RBM38: variants seen among roughly 807,000 people sequenced by gnomAD.
RBM38 encodes the protein RNA binding motif protein 38.
In RBM38, 11 loss-of-function variants were observed where a neutral mutation model predicts 23.5. The ratio of observed to expected loss-of-function variants is 0.47; its 90% CI spans 0.29 to 0.77. The LOEUF is 0.77. Ranked by LOEUF, RBM38 falls within the 30% of genes least tolerant of loss-of-function variation. The pLI, the probability that RBM38 is intolerant of heterozygous loss-of-function variation, is 0.08. For synonymous variants in RBM38, 165 were observed against 166.1 expected, an observed-to-expected ratio of 0.99 and a Z score of 0.05; for missense variants, 330 against 351.9, an observed-to-expected ratio of 0.94 and a Z score of 0.50.
intron 3 of RBM38, among the ~76,000 whole-genome samples, chr20:57,394,797 C>A (rs1216648387): frequency 6.6e-6 from 1 of 152,204 alleles, no homozygotes; most frequent in Non-Finnish European, 1.5e-5. Flanking sequence ...CCACAGCAGG[C>A]GCCTGGGGGC....
rs983316714 is a variant in RBM38, at chr20:57,407,067, T to C, written c.417-476T>C. 4.0e-5 allele frequency among the ~76,000 whole-genome samples: 6 copies of C among 150,402 alleles called. No individual in the cohort carries two copies. The highest frequency in any genetic ancestry group is 5.9e-5 in the Non-Finnish European group (4 of 67,810). The stretch of plus-strand genomic sequence containing the variant: ...AGAGCAGGCGTGTACATGAGCCAAG[T>C]GTGCAGTGTCACTTGGTGGGTGTTG... On this transcript the variant is annotated intron_variant, in intron 3 of 3. Transcript: ENST00000356208. The surrounding 1 kb of genome is among the most constrained non-coding windows in gnomAD (Gnocchi z 4.0).
Position 57,402,648 on chromosome 20 carries a change from G to A in RBM38, c.417-4895G>A, listed in dbSNP as rs150647866. 6.7e-3 allele frequency among the ~76,000 whole-genome samples: 1,014 copies of A among 152,388 alleles called. 13 individuals carry two copies. Among genetic ancestry groups the A allele is most frequent in the African/African-American group, 0.018 (750 of 41,598 alleles). On this transcript the variant is annotated intron_variant, in intron 3 of 3. Coordinates refer to ENST00000356208, the MANE Select transcript of RBM38 (RefSeq NM_017495.6). ...TTTCTGAGCATGGCGTGTGAGTGGG[G>A]ATGCTGAGGAACCTGCCTGGTGCGT...
At chr20:57,397,589 C>T (rs887677446) in intron 3 of RBM38, among the ~76,000 whole-genome samples, 1 of 152,204 alleles carries the variant, frequency 6.6e-6, no homozygotes, top group East Asian at 1.9e-4. Flanking sequence ...GGTGTGTGCA[C>T]ACCACGGGGC....
intron 3 of RBM38, among the ~76,000 whole-genome samples, chr20:57,403,822 A>G (rs942681713): frequency 5.3e-5 from 8 of 152,172 alleles, no homozygotes; most frequent in African/African-American, 1.4e-4. Context: ...GGGCTTCGCC[A>G]TGTTGGCTAG....
At chr20:57,393,428 A>G (rs1264277619) in intron 3 of RBM38, 95 bp downstream of exon 3, 13 of 1,316,264 alleles carry the variant, frequency 9.9e-6, no homozygotes, top group Admixed American at 5.1e-5. Context: ...GGGAAATGAC[A>G]GTTTTCAGAC....
Position 57,407,181 on chromosome 20 carries a change from G to A in RBM38, c.417-362G>A, listed in dbSNP as rs1297599369. 6.6e-6 allele frequency among the ~76,000 whole-genome samples: 1 copy of A among 152,120 alleles called. No individual in the cohort carries two copies. Among genetic ancestry groups the A allele is most frequent in the Non-Finnish European group, 1.5e-5 (1 of 68,008 alleles). ...TTCGTACCGGGCCCTGCTCTTGATC[G>A]CATGCTCCGCCGTCGTGGCTTCAAA... On this transcript the variant is annotated intron_variant, in intron 3 of 3. Coordinates refer to ENST00000356208, the MANE Select transcript of RBM38 (RefSeq NM_017495.6). The surrounding 1 kb of genome is among the most constrained non-coding windows in gnomAD (Gnocchi z 4.0).
chr20:57,393,774 C>G (rs58530582), intron 3 of RBM38, among the ~76,000 whole-genome samples: 4,037 of 152,236 alleles, frequency 0.027, 192 homozygotes, highest in African/African-American at 0.092. Context: ...CAGGTGGTGG[C>G]AGTAGGTCAT....
intron 3 of RBM38, among the ~76,000 whole-genome samples, chr20:57,405,866 CTG>C (rs1236143023): frequency 2.0e-5 from 3 of 152,182 alleles, no homozygotes; most frequent in Admixed American, 2.0e-4. Flanking sequence ...GGAGGGAGCA[CTG>C]TGTTTTCAGT....
intron 3 of RBM38, among the ~76,000 whole-genome samples, chr20:57,401,524 C>G (rs921968084): frequency 6.6e-6 from 1 of 152,252 alleles, no homozygotes; most frequent in Admixed American, 6.5e-5. Context: ...CCTGCAAAGC[C>G]GGGGCCTGCC....
chr20:57,393,551 G>A (rs1174510522), intron 3 of RBM38, among the ~76,000 whole-genome samples: 1 of 152,146 alleles, frequency 6.6e-6, no homozygotes, highest in Non-Finnish European at 1.5e-5. Context: ...GCCTGCCTTG[G>A]TACACACCCC....
intron 3 of RBM38, among the ~76,000 whole-genome samples, chr20:57,400,384 C>T (rs532354688): frequency 6.6e-6 from 1 of 152,268 alleles, no homozygotes; most frequent in South Asian, 2.1e-4. Context: ...CTCGGGGTCC[C>T]CCTGTCCTCT....
chr20:57,402,796 G>A (rs1600755483), intron 3 of RBM38, among the ~76,000 whole-genome samples: 1 of 152,366 alleles, frequency 6.6e-6, no homozygotes, highest in South Asian at 2.1e-4. Flanking sequence ...CACTCAGTGG[G>A]TTCGCCCATG....
chr20:57,397,918 T>TC (rs1460194377), intron 3 of RBM38, among the ~76,000 whole-genome samples: 3 of 152,324 alleles, frequency 2.0e-5, no homozygotes, highest in Admixed American at 2.0e-4. Flanking sequence ...ACGGAACAGT[T>TC]CCGCGTCTCG....
chr20:57,398,210 A>C (rs1457880608), intron 3 of RBM38, among the ~76,000 whole-genome samples: 2 of 151,950 alleles, frequency 1.3e-5, no homozygotes, highest in Admixed American at 1.3e-4. Context: ...TTATAATACA[A>C]AGTGAAACAA....
At chr20:57,398,169 T>A (rs905281236) in intron 3 of RBM38, among the ~76,000 whole-genome samples, 2 of 152,110 alleles carry the variant, frequency 1.3e-5, no homozygotes, top group African/African-American at 4.8e-5. Flanking sequence ...TCTGTACTGT[T>A]TTTGCAACTT....
rs1568805108 is a variant in RBM38 at position 57,392,855 on chromosome 20, C to G, written c.361+78C>G. ...CGGTATCTGTCGGGTGGAAAGAGGC[C>G]CCCCCTCCTCGCCCCAGCAGTGGCA... On this transcript the variant is annotated intron_variant, in intron 2 of 3. Coordinates refer to ENST00000356208, the MANE Select transcript of RBM38 (RefSeq NM_017495.6). 9 of 1,550,568 alleles carry G rather than the reference C, an allele frequency of 5.8e-6. No homozygotes were observed. In the East Asian group the frequency reaches 1.8e-4, roughly 31 times the overall value.
At chr20:57,394,006 G>A (rs1470133787) in intron 3 of RBM38, among the ~76,000 whole-genome samples, 1 of 152,018 alleles carries the variant, frequency 6.6e-6, no homozygotes, top group Non-Finnish European at 1.5e-5. Context: ...ACACACTTAA[G>A]GGATACAAAG....
intron 3 of RBM38, among the ~76,000 whole-genome samples, chr20:57,403,845 C>T (rs2067353993): frequency 6.6e-6 from 1 of 152,198 alleles, no homozygotes. Flanking sequence ...TGGTCCTGAA[C>T]TCTTGACCTC....
rs763953994 is a variant in RBM38, at chr20:57,392,812, G to A, written c.361+35G>A. ...TGTGTTTTCCTGCCTGGCTCTTCTCGGTTTCTATATTGGGTGTCGGTATCT... is the reference window on the plus strand; with the variant it reads ...TGTGTTTTCCTGCCTGGCTCTTCTCAGTTTCTATATTGGGTGTCGGTATCT... On this transcript the variant is annotated intron_variant, in intron 2 of 3. Coordinates refer to ENST00000356208, the MANE Select transcript of RBM38 (RefSeq NM_017495.6). 4.4e-6 allele frequency: 7 copies of A among 1,606,128 alleles called. No homozygotes were observed. In the East Asian group the frequency reaches 6.7e-5, roughly 15 times the overall value.
Sources: gnomAD v4.1 joint callset for allele counts (sites outside exome capture counted in the v4.1 genomes callset) on GRCh38, gnomAD v4.1.1 for gene constraint, Gnocchi (gnomAD v3.1) non-coding constraint, MANE v1.5 for transcripts, NCBI Gene and HGNC (gene_info 2026-07-23, HGNC 2026-07-21) for gene names.